Variants in KLHL14 observed in about 807,000 individuals in gnomAD.
The protein encoded by KLHL14 is kelch-like protein 14.
A neutral mutation model predicts 64.3 loss-of-function variants in KLHL14; 22 were observed. The ratio of observed to expected loss-of-function variants is 0.34; its 90% CI spans 0.24 to 0.49. KLHL14 has a LOEUF of 0.49. KLHL14 is among the 20% of genes least tolerant of loss of function. KLHL14 has a pLI of 0.99. For synonymous variants in KLHL14, 322 were observed against 333.4 expected (o/e 0.97, Z 0.37); for missense variants, 661 against 789.0 (o/e 0.84, Z 1.94).
chr18:32,717,745 G>A (rs1362400463), intron 3 of KLHL14, among the ~76,000 whole-genome samples: 1 of 152,146 alleles, frequency 6.6e-6, no homozygotes, highest in African/African-American at 2.4e-5. Context: ...ATCTCTCCCA[G>A]TCTTTAATTC....
At chr18:32,686,012 CTTTTTTT>C (rs5823856) in intron 5 of KLHL14, among the ~76,000 whole-genome samples, 1 of 138,540 alleles carries the variant, frequency 7.2e-6, no homozygotes, top group African/African-American at 2.7e-5. Flanking sequence ...CTTTTTCTTT[CTTTTTTT>C]TTTTTTTTTT....
At chr18:32,695,374 C>G in intron 4 of KLHL14, 89 bp downstream of exon 4, 1 of 814,492 alleles carries the variant, frequency 1.2e-6, no homozygotes. Context: ...AATGTATTTT[C>G]CACACTAATT....
intron 3 of KLHL14, among the ~76,000 whole-genome samples, chr18:32,727,601 G>A (rs567194783): frequency 2.6e-5 from 4 of 152,076 alleles, no homozygotes; most frequent in African/African-American, 4.8e-5. Context: ...TTGAAGTAAG[G>A]GAAATGACTT....
At chr18:32,747,385 T>A (rs746457625) in intron 2 of KLHL14, among the ~76,000 whole-genome samples, 3 of 152,176 alleles carry the variant, frequency 2.0e-5, no homozygotes, top group Admixed American at 6.5e-5. Context: ...GTAGAATCAG[T>A]GGGAGCCCTG....
At chr18:32,754,387 C>A (rs1325402632) in intron 2 of KLHL14, among the ~76,000 whole-genome samples, 2 of 152,112 alleles carry the variant, frequency 1.3e-5, no homozygotes, top group African/African-American at 2.4e-5. Flanking sequence ...AACTTTGGCA[C>A]CTGCTGCAGA....
chr18:32,769,520 T>C, intron 2 of KLHL14, 125 bp downstream of exon 2: 1 of 855,236 alleles, frequency 1.2e-6, no homozygotes, highest in South Asian at 2.1e-5. Context: ...TTGCGTTTGT[T>C]TTCATCCTGC....
At chr18:32,741,765 T>A (rs1457376161) in intron 3 of KLHL14, among the ~76,000 whole-genome samples, 163 bp downstream of exon 3, 3 of 152,180 alleles carry the variant, frequency 2.0e-5, no homozygotes, top group Non-Finnish European at 2.9e-5. Context: ...GCAATGTTAA[T>A]TTAGTTTTTT....
intron 3 of KLHL14, among the ~76,000 whole-genome samples, chr18:32,711,287 T>C (rs1352896064): frequency 1.3e-5 from 2 of 151,888 alleles, no homozygotes; most frequent in African/African-American, 4.8e-5. Context: ...CACGTGACAG[T>C]GGGTATATGT....
intron 2 of KLHL14, among the ~76,000 whole-genome samples, chr18:32,753,132 A>G (rs975332511): frequency 6.6e-6 from 1 of 152,184 alleles, no homozygotes; most frequent in African/African-American, 2.4e-5. Context: ...AAAATATAAC[A>G]ATACCTAACT....
chr18:32,694,165 C>G (rs2049926063), intron 4 of KLHL14, among the ~76,000 whole-genome samples: 1 of 152,094 alleles, frequency 6.6e-6, no homozygotes, highest in African/African-American at 2.4e-5. Flanking sequence ...TGAAGATGTT[C>G]CTGTTTTCTC....
intron 2 of KLHL14, among the ~76,000 whole-genome samples, chr18:32,756,858 T>C (rs2050284750): frequency 6.6e-6 from 1 of 152,200 alleles, no homozygotes; most frequent in African/African-American, 2.4e-5. Context: ...GAAGAAGATA[T>C]CTTCTAAAGA....
At chr18:32,729,603 C>T (rs898245531) in intron 3 of KLHL14, among the ~76,000 whole-genome samples, 1 of 152,108 alleles carries the variant, frequency 6.6e-6, no homozygotes, top group Non-Finnish European at 1.5e-5. Flanking sequence ...TTAGGACCCA[C>T]CCTAATCCAA....
chr18:32,715,500 C>T (rs1044568520), intron 3 of KLHL14, among the ~76,000 whole-genome samples: 6 of 142,342 alleles, frequency 4.2e-5, no homozygotes, highest in Non-Finnish European at 9.3e-5. Context: ...GGGTATTTAC[C>T]GACGGATGAT....
chr18:32,680,157 C>A lies in KLHL14; in HGVS notation c.1588+12G>T. 6.2e-7 allele frequency: 1 copy of A among 1,609,652 alleles called. No homozygotes were observed. On this transcript the variant is annotated intron_variant, in intron 7 of 8. Transcript: ENST00000359358. This position sits in a 1 kb window ranked among gnomAD's most constrained non-coding sequence, Gnocchi z 4.8. ...TTATTGTGACTAAAAAACAAAACAA[C>A]AAAAAAAAGACCTTTCAAATGATTT...
intron 3 of KLHL14, among the ~76,000 whole-genome samples, chr18:32,718,671 T>C (rs11081779): frequency 0.35 from 52,575 of 152,082 alleles, 11,257 homozygotes; most frequent in African/African-American, 0.61. Context: ...ATATTGTAAT[T>C]TAAGGGTTTC....
chr18:32,772,007 G>GGCGAA, intron 1 of KLHL14: 1 of 218,648 alleles, frequency 4.6e-6, no homozygotes, highest in Admixed American at 5.9e-5. Context: ...GGGGAGGCGA[G>GGCGAA]GCGAAATCGA....
At chr18:32,713,272 A>G (rs931751635) in intron 3 of KLHL14, among the ~76,000 whole-genome samples, 4 of 152,262 alleles carry the variant, frequency 2.6e-5, no homozygotes, top group East Asian at 3.9e-4. Context: ...TGGGTATCAT[A>G]TAGGCTCTTC....
intron 3 of KLHL14, among the ~76,000 whole-genome samples, chr18:32,735,793 G>C (rs2050163038): frequency 6.6e-6 from 1 of 152,106 alleles, no homozygotes; most frequent in Non-Finnish European, 1.5e-5. Flanking sequence ...GGTGATATTT[G>C]TTTTGGCTCA....
intron 3 of KLHL14, among the ~76,000 whole-genome samples, chr18:32,723,299 A>T (rs1523591): frequency 0.37 from 56,708 of 152,038 alleles, 12,681 homozygotes; most frequent in African/African-American, 0.63. Flanking sequence ...AATCCAAGGA[A>T]GCTGGCATCT....
Sources: allele counts gnomAD v4.1 joint callset (sites outside exome capture counted in the v4.1 genomes callset), GRCh38; gene constraint gnomAD v4.1.1; non-coding constraint Gnocchi (gnomAD v3.1); transcripts MANE v1.5; gene names NCBI Gene and HGNC (gene_info 2026-07-23, HGNC 2026-07-21).